The following CHST9 variants were observed in gnomAD, a reference collection of about 807,000 sequenced individuals.
The protein encoded by CHST9 is carbohydrate sulfotransferase 9.
A neutral mutation model predicts 44.4 loss-of-function variants in CHST9; 41 were observed. The observed-to-expected ratio is 0.92, with a 90% CI of 0.72 to 1.20. CHST9 has a LOEUF of 1.20. Among genes scored for constraint, CHST9 ranks in the 50% most tolerant of loss-of-function variants. The probability of loss-of-function intolerance (pLI) is 0.00; values close to 1 mark genes in which losing one functional copy is unlikely to be tolerated. For synonymous variants in CHST9, 171 were observed against 178.4 expected (o/e 0.96, Z 0.33); for missense variants, 504 against 516.5 (o/e 0.98, Z 0.23).
chr18:27,161,648 T>A (rs2058748001), intron 1 of CHST9, among the ~76,000 whole-genome samples: 1 of 151,940 alleles, frequency 6.6e-6, no homozygotes, highest in Non-Finnish European at 1.5e-5. Context: ...AGAGCTGAGT[T>A]CAATTCCTGG....
chr18:26,912,879 G>C lies in CHST9; in HGVS notation c.*3380C>G, dbSNP rs2055460010. 1 of 152,216 alleles carries C rather than the reference G, an allele frequency of 6.6e-6. No homozygotes were observed. Among genetic ancestry groups the C allele is most frequent in the Non-Finnish European group, 1.5e-5 (1 of 68,040 alleles). The allele number at this position is 152,216 out of a possible 1,614,324, so 9.4% of individuals were successfully genotyped here. A position where few individuals can be genotyped will look rare whatever the true frequency, so the allele number is the denominator to read the frequency against. Reference sequence around the variant, plus strand: ...AGCCTTGGCCTAAGGTTCTCAGGTAGTTGAGCTATAATTAAACGCCTTTGG... The same window carrying C: ...AGCCTTGGCCTAAGGTTCTCAGGTACTTGAGCTATAATTAAACGCCTTTGG... On this transcript the variant is annotated 3_prime_UTR_variant, in exon 6 of 6. Coordinates refer to ENST00000618847, the MANE Select transcript of CHST9 (RefSeq NM_031422.6).
At chr18:26,918,105 A>G (rs145226973) in intron 5 of CHST9, among the ~76,000 whole-genome samples, 1 of 152,270 alleles carries the variant, frequency 6.6e-6, no homozygotes, top group South Asian at 2.1e-4. Flanking sequence ...GAATGAGTCC[A>G]TTTACCACAT....
chr18:27,037,412 G>A (rs997715388), intron 3 of CHST9, among the ~76,000 whole-genome samples: 3 of 152,162 alleles, frequency 2.0e-5, no homozygotes, highest in Non-Finnish European at 2.9e-5. Context: ...ACAAATGCCT[G>A]GGCATGGTGG....
chr18:26,969,820 C>A (rs1188669225), intron 4 of CHST9, among the ~76,000 whole-genome samples: 1 of 152,114 alleles, frequency 6.6e-6, no homozygotes, highest in Non-Finnish European at 1.5e-5. Context: ...TTCAGTTTAT[C>A]GTATCTAATT....
chr18:27,039,194 G>A (rs2057419704), intron 3 of CHST9, among the ~76,000 whole-genome samples: 1 of 152,020 alleles, frequency 6.6e-6, no homozygotes, highest in South Asian at 2.1e-4. Context: ...TGGAAAGCAG[G>A]GTCTGAAGAG....
At chr18:27,033,564 C>G (rs1226501061) in intron 3 of CHST9, among the ~76,000 whole-genome samples, 1 of 152,180 alleles carries the variant, frequency 6.6e-6, no homozygotes, top group Non-Finnish European at 1.5e-5. Flanking sequence ...CCTCCCTTCT[C>G]TTTTTCTCAT....
chr18:26,964,832 A>G (rs1411926404), intron 4 of CHST9, among the ~76,000 whole-genome samples: 3 of 152,216 alleles, frequency 2.0e-5, no homozygotes, highest in Non-Finnish European at 2.9e-5. Context: ...CCTGTGTTTC[A>G]GAGTACAGCA....
At position 27,169,180 on chromosome 18, in the gene CHST9, A is replaced by G. The variant is rs139069549; in HGVS notation, c.-97+15956T>C. Among the ~76,000 whole-genome samples, 43 of 152,342 alleles carry G rather than the reference A, an allele frequency of 2.8e-4. No individual in the cohort carries two copies. The East Asian group carries it at 7.7e-3, about 27-fold the overall frequency. ...TAAGTTGTTCCCATACTCTTAACTC[A>G]TAGAAACTGACATGATATATGTATG... On this transcript the variant is annotated intron_variant, in intron 1 of 5. Coordinates refer to ENST00000618847, the MANE Select transcript of CHST9 (RefSeq NM_031422.6).
At chr18:27,035,987 A>T (rs1430580283) in intron 3 of CHST9, among the ~76,000 whole-genome samples, 1 of 152,206 alleles carries the variant, frequency 6.6e-6, no homozygotes, top group Non-Finnish European at 1.5e-5. Flanking sequence ...CAAATTGTAC[A>T]CCTTAGATAT....
At chr18:27,056,770 G>A (rs1012655690) in intron 2 of CHST9, among the ~76,000 whole-genome samples, 3 of 152,058 alleles carry the variant, frequency 2.0e-5, no homozygotes, top group Non-Finnish European at 4.4e-5. Context: ...CTTCCATTAT[G>A]AATATTATAA....
chr18:27,008,059 A>T (rs1170881143), intron 4 of CHST9, among the ~76,000 whole-genome samples: 1 of 152,204 alleles, frequency 6.6e-6, no homozygotes, highest in Non-Finnish European at 1.5e-5. Context: ...ATGGGAGGAC[A>T]CGGAGAGACA....
intron 2 of CHST9, among the ~76,000 whole-genome samples, chr18:27,106,231 T>TGAGGAA (rs1191023768): frequency 1.3e-5 from 2 of 152,184 alleles, no homozygotes; most frequent in Admixed American, 1.3e-4. Context: ...CAACTGCTTT[T>TGAGGAA]ATTTGCCTCT....
intron 4 of CHST9, among the ~76,000 whole-genome samples, chr18:26,946,903 C>G (rs974148563): frequency 2.0e-5 from 3 of 147,350 alleles, no homozygotes; most frequent in African/African-American, 7.3e-5. Context: ...CAGTACCATC[C>G]TGTTTTGGTT....
At chr18:27,073,239 G>A (rs1422550474) in intron 2 of CHST9, among the ~76,000 whole-genome samples, 1 of 152,094 alleles carries the variant, frequency 6.6e-6, no homozygotes, top group African/African-American at 2.4e-5. Context: ...TGTTCTGGAG[G>A]GGCATTGCTA....
At chr18:26,973,187 G>A (rs1298587883) in intron 4 of CHST9, among the ~76,000 whole-genome samples, 1 of 152,136 alleles carries the variant, frequency 6.6e-6, no homozygotes, top group South Asian at 2.1e-4. Flanking sequence ...ACTGCAGTCT[G>A]CAGTCCTATA....
At chr18:27,053,256 A>AAGAAGAAGAAGAAGGAGAAGG (rs1568151140) in intron 2 of CHST9, among the ~76,000 whole-genome samples, 10 of 80,566 alleles carry the variant, frequency 1.2e-4, no homozygotes, top group Admixed American at 2.6e-4. Context: ...GAAGAAGAAG[A>AAGAAGAAGAAGAAGGAGAAGG]AGAAGGAGAA....
rs561797788 is a variant in CHST9, at chr18:26,933,211, C to T, written c.240+11118G>A. The stretch of plus-strand genomic sequence containing the variant: ...GTAGCTCTGAAGACCAGACTTAGTA[C>T]ATTTTTACCCCCATCCATGCTTGCA... On this transcript the variant is annotated intron_variant, in intron 5 of 5. Transcript: ENST00000618847. The T allele has an allele frequency of 5.2e-5, 8 of 153,876 alleles. No individual in the cohort carries two copies. The East Asian group carries it at 1.5e-3, about 30-fold the overall frequency. The allele number at this position is 153,876 out of a possible 1,614,324, so 9.5% of individuals were successfully genotyped here.
At chr18:27,024,889 A>G (rs967992952) in intron 3 of CHST9, among the ~76,000 whole-genome samples, 15 of 152,054 alleles carry the variant, frequency 9.9e-5, no homozygotes, top group African/African-American at 1.2e-4. Flanking sequence ...AAGTTGGCCT[A>G]CTGTAACATA....
chr18:27,100,060 T>C (rs928453502), intron 2 of CHST9, among the ~76,000 whole-genome samples: 2 of 151,988 alleles, frequency 1.3e-5, no homozygotes, highest in African/African-American at 4.8e-5. Context: ...TATACACATA[T>C]GGAGTACTAC....
Sources: gnomAD v4.1 joint callset for allele counts (sites outside exome capture counted in the v4.1 genomes callset) on GRCh38, gnomAD v4.1.1 for gene constraint, MANE v1.5 for transcripts, NCBI Gene and HGNC (gene_info 2026-07-23, HGNC 2026-07-21) for gene names.